EVL: variants seen among roughly 807,000 people sequenced by gnomAD.
The protein encoded by EVL is ena/VASP-like protein.
EVL carries 21 observed loss-of-function variants against 59.6 expected under a neutral mutation model. The observed-to-expected ratio is 0.35, with a 90% CI of 0.25 to 0.51. The LOEUF (loss-of-function observed/expected upper bound fraction) is 0.51. Ranked by LOEUF, EVL falls within the 20% of genes least tolerant of loss-of-function variation. The probability of loss-of-function intolerance (pLI) is 0.97; values close to 1 mark genes in which losing one functional copy is unlikely to be tolerated. For synonymous variants in EVL, 198 were observed against 203.5 expected, an observed-to-expected ratio of 0.97 and a Z score of 0.23; for missense variants, 462 against 546.6, an observed-to-expected ratio of 0.85 and a Z score of 1.54.
chr14:100,132,686 G>A (rs755172477), intron 7 of EVL, 33 bp from the exon 8 acceptor site: 13 of 1,611,662 alleles, frequency 8.1e-6, no homozygotes, highest in Admixed American at 6.7e-5. Flanking sequence ...AACGTGAGGA[G>A]CTGATCTGTA....
chr14:100,126,672 A>G, intron 4 of EVL, 35 bp from the exon 5 acceptor site: 1 of 1,611,846 alleles, frequency 6.2e-7, no homozygotes, highest in East Asian at 2.2e-5. Flanking sequence ...TCCAGAGTGG[A>G]GGAGTCAGAC....
chr14:100,142,595 C>T (rs1464364254), intron 13 of EVL, among the ~76,000 whole-genome samples: 2 of 152,240 alleles, frequency 1.3e-5, no homozygotes, highest in South Asian at 2.1e-4. Flanking sequence ...GTCCCACAAG[C>T]GCACAGGGGT....
chr14:100,040,660 C>T (rs2061455321), intron 1 of EVL, among the ~76,000 whole-genome samples: 1 of 152,102 alleles, frequency 6.6e-6, no homozygotes, highest in Admixed American at 6.6e-5. Flanking sequence ...GATGTGAGAC[C>T]AGGAGGAGAG....
chr14:100,002,951 T>C (rs1417042499), intron 1 of EVL, among the ~76,000 whole-genome samples: 1 of 152,254 alleles, frequency 6.6e-6, no homozygotes, highest in Non-Finnish European at 1.5e-5. Flanking sequence ...CCATAATATA[T>C]AACTTCCATA....
At chr14:99,990,238 TG>T (rs2060866556) in intron 1 of EVL, among the ~76,000 whole-genome samples, 1 of 152,236 alleles carries the variant, frequency 6.6e-6, no homozygotes, top group South Asian at 2.1e-4. Context: ...CAATTTACTT[TG>T]CTCAGATTCA....
At chr14:100,106,701 C>G (rs550097338) in intron 3 of EVL, 1 of 397,548 alleles carries the variant, frequency 2.5e-6, no homozygotes, top group South Asian at 1.4e-4. Flanking sequence ...AGAGGACCAT[C>G]GGGCCTGAGA....
At chr14:100,038,446 C>G (rs1003529305) in intron 1 of EVL, among the ~76,000 whole-genome samples, 6 of 152,126 alleles carry the variant, frequency 3.9e-5, no homozygotes, top group African/African-American at 4.8e-5. Flanking sequence ...GGTTGCCCAC[C>G]ACTGCCTCCT....
intron 2 of EVL, among the ~76,000 whole-genome samples, chr14:100,093,317 A>G (rs1053440467): frequency 3.9e-5 from 6 of 152,232 alleles, no homozygotes; most frequent in Non-Finnish European, 8.8e-5. Context: ...TATTCAGTGC[A>G]GTATTATTTA....
intron 1 of EVL, among the ~76,000 whole-genome samples, chr14:100,052,568 A>G (rs1324679797): frequency 6.6e-6 from 1 of 152,126 alleles, no homozygotes; most frequent in Non-Finnish European, 1.5e-5. Context: ...CCTGGGCAAC[A>G]TGGTGAAACC....
At chr14:100,061,403 C>CAAAAAAAAAAAAAA (rs56656380), upstream of EVL, among the ~76,000 whole-genome samples, 2 of 19,088 alleles carry the variant, frequency 1.0e-4, no homozygotes, top group African/African-American at 2.6e-4. Context: ...GACCCTGTCT[C>CAAAAAAAAAAAAAA]AAAAAAAAAA....
At chr14:100,071,256 C>T (rs978571628) in intron 1 of EVL, among the ~76,000 whole-genome samples, 2 of 152,230 alleles carry the variant, frequency 1.3e-5, no homozygotes, top group African/African-American at 4.8e-5. Context: ...AAAAATGGGG[C>T]TCAGTCACCA....
intron 7 of EVL, 55 bp from the exon 8 acceptor site, chr14:100,132,664 G>A: frequency 6.3e-7 from 1 of 1,587,622 alleles, no homozygotes; most frequent in Non-Finnish European, 8.7e-7. Flanking sequence ...AAGAGTTCTG[G>A]GACAGTGAGA....
In EVL at chr14:99,988,526, A is replaced by G. The variant is rs1244030929; in HGVS notation, c.5+16469A>G. ...CAGCTGCTTTGGAAAACGGTTTGTC[A>G]GTTTTTCAGAATGTTAGACATAGAG... On this transcript the variant is annotated intron_variant, in intron 1 of 13. Transcript: ENST00000402714. 3.3e-5 allele frequency among the ~76,000 whole-genome samples: 5 copies of G among 152,296 alleles called. 1 individual carries two copies. Among genetic ancestry groups the G allele is most frequent in the Admixed American group, 2.6e-4 (4 of 15,302 alleles).
chr14:100,101,046 G>A (rs1330800089), intron 3 of EVL, among the ~76,000 whole-genome samples: 1 of 152,102 alleles, frequency 6.6e-6, no homozygotes, highest in Non-Finnish European at 1.5e-5. Flanking sequence ...ATGTTTCTGT[G>A]TCAAACAATA....
At chr14:100,131,674 T>C (rs1888444461) in intron 7 of EVL, among the ~76,000 whole-genome samples, 1 of 152,168 alleles carries the variant, frequency 6.6e-6, no homozygotes, top group South Asian at 2.1e-4. Flanking sequence ...GTGTAAGTGA[T>C]CGTGGCTAGG....
chr14:100,009,234 T>C lies in EVL; in HGVS notation c.5+37177T>C, dbSNP rs74537530. On this transcript the variant is annotated intron_variant, in intron 1 of 13. Transcript: ENST00000402714. The stretch of plus-strand genomic sequence containing the variant: ...TACCTAGACTCCATACCTTAGGCTC[T>C]GAAAACATGGGAACTACTGCTCTCT... Among the ~76,000 whole-genome samples the C allele has an allele frequency of 6.7e-3, 1,021 of 152,334 alleles. 8 individuals carry two copies. The highest frequency in any genetic ancestry group is 0.023 in the African/African-American group (972 of 41,580).
intron 1 of EVL, among the ~76,000 whole-genome samples, chr14:99,986,739 A>G (rs2060842801): frequency 6.6e-6 from 1 of 152,246 alleles, no homozygotes; most frequent in Non-Finnish European, 1.5e-5. Context: ...CAGCATGTCT[A>G]CAACTGGACT....
At chr14:99,973,370 C>T (rs77473984) in intron 1 of EVL, among the ~76,000 whole-genome samples, 1,665 of 152,258 alleles carry the variant, frequency 0.011, 9 homozygotes, top group Non-Finnish European at 0.019. Flanking sequence ...CTGCAGTTTC[C>T]TGTTGACTGA....
intron 3 of EVL, among the ~76,000 whole-genome samples, chr14:100,115,056 A>C (rs954721379): frequency 1.3e-5 from 2 of 149,222 alleles, no homozygotes; most frequent in Non-Finnish European, 3.0e-5. Flanking sequence ...AAAAAAAAAA[A>C]CAATGCAGTT....
Sources: allele counts gnomAD v4.1 joint callset (sites outside exome capture counted in the v4.1 genomes callset), GRCh38; gene constraint gnomAD v4.1.1; transcripts MANE v1.5; gene names NCBI Gene and HGNC (gene_info 2026-07-23, HGNC 2026-07-21).